The following FBN1 variants were observed in gnomAD, a reference collection of about 807,000 sequenced individuals.
FBN1 encodes fibrillin-1.
A neutral mutation model predicts 365.1 loss-of-function variants in FBN1; 29 were observed. That is an observed-to-expected ratio of 0.08 (90% CI 0.06 to 0.11). The LOEUF (loss-of-function observed/expected upper bound fraction) is 0.11. Among genes scored for constraint, FBN1 ranks in the 10% least tolerant of loss-of-function variants. FBN1 has a pLI of 1.00. For missense variants in FBN1, 2,476 were observed against 3,703.2 expected (o/e 0.67, Z 8.60); for synonymous variants, 1,210 against 1,270.5 (o/e 0.95, Z 1.01).
At chr15:48,619,343 T>C (rs1285004769) in intron 2 of FBN1, among the ~76,000 whole-genome samples, 1 of 152,042 alleles carries the variant, frequency 6.6e-6, no homozygotes. Flanking sequence ...GAATAATAGA[T>C]TTATTCTGGT....
chr15:48,601,570 G>C, intron 4 of FBN1, among the ~76,000 whole-genome samples: 1 of 152,198 alleles, frequency 6.6e-6, no homozygotes, highest in East Asian at 1.9e-4. Context: ...CTGAAGCACA[G>C]GGGCCAAATC....
chr15:48,423,082 A>T (rs2042955394), intron 60 of FBN1, among the ~76,000 whole-genome samples: 1 of 152,226 alleles, frequency 6.6e-6, no homozygotes, highest in Admixed American at 6.5e-5. Context: ...CTCAACTTCT[A>T]AGTTGCATTC....
intron 6 of FBN1, among the ~76,000 whole-genome samples, chr15:48,570,341 T>C (rs2044296983): frequency 6.6e-6 from 1 of 152,182 alleles, no homozygotes; most frequent in Non-Finnish European, 1.5e-5. Context: ...TAAGATTCTT[T>C]ACATAAATCT....
chr15:48,573,022 A>C (rs1387922667), intron 6 of FBN1, among the ~76,000 whole-genome samples: 1 of 152,160 alleles, frequency 6.6e-6, no homozygotes, highest in Non-Finnish European at 1.5e-5. Flanking sequence ...TCTGCAGATA[A>C]ATGAAGGGCA....
At chr15:48,637,057 C>G (rs1274963191) in intron 2 of FBN1, among the ~76,000 whole-genome samples, 1 of 152,122 alleles carries the variant, frequency 6.6e-6, no homozygotes, top group Non-Finnish European at 1.5e-5. Context: ...GAGGTGGGAG[C>G]ATTCTAGGTC....
intron 32 of FBN1, among the ~76,000 whole-genome samples, chr15:48,475,497 C>T (rs979214278): frequency 2.6e-5 from 4 of 152,132 alleles, no homozygotes; most frequent in African/African-American, 9.7e-5. Context: ...TGAAAATTTT[C>T]CAAAACGAGC....
At chr15:48,623,204 T>A (rs758686361) in intron 2 of FBN1, among the ~76,000 whole-genome samples, 19 of 152,222 alleles carry the variant, frequency 1.2e-4, no homozygotes, top group Non-Finnish European at 2.4e-4. Context: ...AAGATTAATA[T>A]CATCTCCTCA....
chr15:48,601,033 C>T (rs914943674), intron 4 of FBN1, among the ~76,000 whole-genome samples: 66 of 152,284 alleles, frequency 4.3e-4, no homozygotes, highest in African/African-American at 1.3e-3. Flanking sequence ...CACTGCCTGA[C>T]GACAGGGACA....
At chr15:48,433,078 A>C in intron 54 of FBN1, 90 bp from the exon 55 acceptor site, 1 of 1,448,054 alleles carries the variant, frequency 6.9e-7, no homozygotes, top group Non-Finnish European at 9.6e-7. Flanking sequence ...AACTTTACCA[A>C]AAGTTGCAAT....
intron 32 of FBN1, among the ~76,000 whole-genome samples, chr15:48,475,045 T>C (rs1242968303): frequency 2.6e-5 from 4 of 152,098 alleles, no homozygotes; most frequent in African/African-American, 9.6e-5. Flanking sequence ...ATTATTTTCA[T>C]ATCTTGTATA....
intron 9 of FBN1, among the ~76,000 whole-genome samples, chr15:48,522,790 G>A (rs961710719): frequency 6.6e-6 from 1 of 152,166 alleles, no homozygotes; most frequent in African/African-American, 2.4e-5. Flanking sequence ...TTATGGGTCA[G>A]TTTTAAAGGA....
chr15:48,492,386 G>A lies in FBN1; in HGVS notation c.2854+75C>T, dbSNP rs75135355. 869 of 1,473,898 alleles carry A rather than the reference G, an allele frequency of 5.9e-4. 7 individuals carry two copies. The East Asian group carries it at 0.019, about 32-fold the overall frequency. 91.3% of individuals were successfully genotyped at this position (1,473,898 alleles called of 1,614,324 possible). On this transcript the variant is annotated intron_variant, in intron 24 of 65. Coordinates refer to ENST00000316623, the MANE Select transcript of FBN1 (RefSeq NM_000138.5). Reference sequence around the variant, plus strand: ...GTCTGTACCTGAAGCTAAGTGCTCAGCTATATCTTGTTAACTTCATTTTTA... The same window carrying A: ...GTCTGTACCTGAAGCTAAGTGCTCAACTATATCTTGTTAACTTCATTTTTA...
chr15:48,439,754 G>GA lies in FBN1; in HGVS notation c.6164-1838dup, dbSNP rs539635913. On this transcript the variant is annotated intron_variant, in intron 50 of 65. Coordinates refer to ENST00000316623, the MANE Select transcript of FBN1 (RefSeq NM_000138.5). ...TATCTCCCCCACACCACTCCACCCC[G>GA]AAAAAAAAAAATCTTGGCATTAGAC... Among the ~76,000 whole-genome samples, 83 of 147,212 alleles carry GA rather than the reference G, an allele frequency of 5.6e-4. 1 individual carries two copies. The highest frequency in any genetic ancestry group is 4.9e-3 in the East Asian group (25 of 5,084).
At chr15:48,592,862 A>G (rs887858264) in intron 6 of FBN1, among the ~76,000 whole-genome samples, 5 of 152,198 alleles carry the variant, frequency 3.3e-5, no homozygotes, top group African/African-American at 1.2e-4. Context: ...AGGTATTCCT[A>G]TTCAGCTTTT....
chr15:48,547,093 A>C (rs1190170802), intron 6 of FBN1, among the ~76,000 whole-genome samples: 1 of 152,200 alleles, frequency 6.6e-6, no homozygotes, highest in Non-Finnish European at 1.5e-5. Context: ...CAAAATGAAC[A>C]AAAACAAAAC....
At chr15:48,635,885 T>C (rs1042594113) in intron 2 of FBN1, among the ~76,000 whole-genome samples, 7 of 152,246 alleles carry the variant, frequency 4.6e-5, no homozygotes, top group Admixed American at 6.5e-5. Context: ...ACAATATTTA[T>C]GGAGCTTTTT....
At chr15:48,428,496 A>G (rs2042999791) in intron 56 of FBN1, 25 bp from the exon 57 acceptor site, 1 of 1,613,550 alleles carries the variant, frequency 6.2e-7, no homozygotes, top group Admixed American at 1.7e-5. Context: ...TGAAGGACCA[A>G]AAACAAGAAG....
At chr15:48,439,945 T>C (rs1209706519) in intron 50 of FBN1, among the ~76,000 whole-genome samples, 1 of 152,202 alleles carries the variant, frequency 6.6e-6, no homozygotes, top group African/African-American at 2.4e-5. Context: ...CACGGTTCTG[T>C]GGAATTTTCT....
rs200295020 is a variant in FBN1 at position 48,596,317 on chromosome 15, G to A, written c.504C>T (p.Cys168=). ...GRCVAPNRCA[C]TYGFTGPQCE... ...ACTGGGGTCCAGTAAATCCGTAAGTGCATGCACATCGATTTGGGGCCACAC... is the reference window on the plus strand; with the variant it reads ...ACTGGGGTCCAGTAAATCCGTAAGTACATGCACATCGATTTGGGGCCACAC... The change falls in exon 6 of 66, where the codon TGC becomes TGT. Residue 168 remains cysteine (C), a synonymous_variant. Coordinates refer to ENST00000316623, the MANE Select transcript of FBN1 (RefSeq NM_000138.5). 4 of 1,614,056 alleles carry A rather than the reference G, an allele frequency of 2.5e-6. No homozygotes were observed. The African/African-American group carries it at 5.3e-5, about 22-fold the overall frequency.
Sources: allele counts gnomAD v4.1 joint callset (sites outside exome capture counted in the v4.1 genomes callset), GRCh38; gene constraint gnomAD v4.1.1; transcripts MANE v1.5; gene names NCBI Gene and HGNC (gene_info 2026-07-23, HGNC 2026-07-21).